EPHA3: variants seen among roughly 807,000 people sequenced by gnomAD.
EPHA3 encodes the protein EPH receptor A3.
Under a neutral mutation model 107.1 loss-of-function variants are expected in EPHA3, and 42 were observed. That is an observed-to-expected ratio of 0.39 (90% CI 0.31 to 0.51). The LOEUF is 0.51. Ranked by LOEUF, EPHA3 falls within the 20% of genes least tolerant of loss-of-function variation. EPHA3 has a pLI of 0.78. For missense variants in EPHA3, 1,183 were observed against 1,211.2 expected (o/e 0.98, Z 0.35); for synonymous variants, 461 against 424.8 (o/e 1.09, Z -1.05).
rs141293434 is a variant in EPHA3, at chr3:89,459,175, C to A, written c.2690+8805C>A. 1.7e-3 allele frequency among the ~76,000 whole-genome samples: 254 copies of A among 152,046 alleles called. 1 individual carries two copies. The highest frequency in any genetic ancestry group is 5.0e-3 in the African/African-American group (207 of 41,478). ...CAAACCTGCAGGTTCAACACATGTA[C>A]CCCAGAACTTAAGGTAAAATTTTAA... On this transcript the variant is annotated intron_variant, in intron 15 of 16. Coordinates refer to ENST00000336596, the MANE Select transcript of EPHA3 (RefSeq NM_005233.6).
intron 15 of EPHA3, among the ~76,000 whole-genome samples, chr3:89,469,202 G>A (rs1448152991): frequency 6.6e-6 from 1 of 152,098 alleles, no homozygotes; most frequent in African/African-American, 2.4e-5. Flanking sequence ...AGGTAATTGA[G>A]TTTAGTCTAG....
chr3:89,136,935 T>C (rs1704327064), intron 2 of EPHA3, among the ~76,000 whole-genome samples: 1 of 151,982 alleles, frequency 6.6e-6, no homozygotes, highest in Admixed American at 6.6e-5. Flanking sequence ...ACATTTTTTC[T>C]CTAAAACAAA....
rs1710621463 is a variant in EPHA3, at chr3:89,481,513, T to C, written c.*2011T>C. 2 of 232,282 alleles carry C rather than the reference T, an allele frequency of 8.6e-6. No individual in the cohort carries two copies. The highest frequency in any genetic ancestry group is 3.6e-4 in the South Asian group (2 of 5,522). 14.4% of individuals were successfully genotyped at this position (232,282 alleles called of 1,614,324 possible). A position where few individuals can be genotyped will look rare whatever the true frequency, so the allele number is the denominator to read the frequency against. On this transcript the variant is annotated 3_prime_UTR_variant, in exon 17 of 17. Transcript: ENST00000336596. Reference sequence around the variant, plus strand: ...TCAATCTAATTTTTTCCCAGACTACTATTTTCTTTTTTAGGTACTATTCTG... The same window carrying C: ...TCAATCTAATTTTTTCCCAGACTACCATTTTCTTTTTTAGGTACTATTCTG...
chr3:89,170,469 G>A (rs1049255624), intron 2 of EPHA3, among the ~76,000 whole-genome samples: 2 of 152,150 alleles, frequency 1.3e-5, no homozygotes, highest in African/African-American at 4.8e-5. Flanking sequence ...AAATGGAATA[G>A]CGGTGGTCTG....
intron 3 of EPHA3, among the ~76,000 whole-genome samples, chr3:89,304,102 C>G (rs888900228): frequency 1.3e-5 from 2 of 152,092 alleles, no homozygotes; most frequent in Admixed American, 6.6e-5. Flanking sequence ...GCCCCCACTT[C>G]GCTACTCACT....
rs569606867 is a variant in EPHA3 at position 89,194,904 on chromosome 3, A to G, written c.154-14956A>G. 3.2e-4 allele frequency among the ~76,000 whole-genome samples: 49 copies of G among 152,192 alleles called. No homozygotes were observed. In the South Asian group the frequency reaches 9.1e-3, roughly 28 times the overall value. The stretch of plus-strand genomic sequence containing the variant: ...AAACTTTTTGATGTGGGAACATTTC[A>G]ATATGGATGTTGGAAAGAGCAATTT... On this transcript the variant is annotated intron_variant, in intron 2 of 16. Transcript: ENST00000336596.
In EPHA3 at chr3:89,219,688, G is replaced by GTGTTTTTTTTTGTTTTTTTTTTTTT; in HGVS notation, c.814+9169_814+9170insGTTTTTTTTTGTTTTTTTTTTTTTT. Among the ~76,000 whole-genome samples, 205 of 34,434 alleles carry GTGTTTTTTTTTGTTTTTTTTTTTTT rather than the reference G, an allele frequency of 6.0e-3. 66 individuals carry two copies. Among genetic ancestry groups the GTGTTTTTTTTTGTTTTTTTTTTTTT allele is most frequent in the Middle Eastern group, 0.036 (2 of 56 alleles). The allele number at this position is 34,434 out of a possible 152,430, so 22.6% of individuals were successfully genotyped here. A position where few individuals can be genotyped will look rare whatever the true frequency, so the allele number is the denominator to read the frequency against. The stretch of plus-strand genomic sequence containing the variant: ...TTACCTCCAAGAGGCATTTGGCAAT[G>GTGTTTTTTTTTGTTTTTTTTTTTTT]TTTTTTTTTTTTTTGTTTTTTGTTT... On this transcript the variant is annotated intron_variant, in intron 3 of 16. Coordinates refer to ENST00000336596, the MANE Select transcript of EPHA3 (RefSeq NM_005233.6).
Position 89,402,734 on chromosome 3 carries a change from C to T in EPHA3, c.1594+3254C>T, listed in dbSNP as rs1020378893. 6.6e-5 allele frequency among the ~76,000 whole-genome samples: 10 copies of T among 152,036 alleles called. No individual in the cohort carries two copies. The East Asian group carries it at 7.7e-4, about 12-fold the overall frequency. On this transcript the variant is annotated intron_variant, in intron 7 of 16. Transcript: ENST00000336596. ...TTTTTGAGACCAAGTCTTGCTCTGT[C>T]GCCCAGGTGGGAATGCAGTGGTGAG...
At chr3:89,222,081 A>G (rs1295910535) in intron 3 of EPHA3, among the ~76,000 whole-genome samples, 1 of 151,986 alleles carries the variant, frequency 6.6e-6, no homozygotes, top group Non-Finnish European at 1.5e-5. Context: ...CCACACCTCT[A>G]ATTGCTTCTG....
At chr3:89,143,139 A>C (rs1704467735) in intron 2 of EPHA3, among the ~76,000 whole-genome samples, 1 of 151,430 alleles carries the variant, frequency 6.6e-6, no homozygotes, top group African/African-American at 2.4e-5. Context: ...GGAATTCTGC[A>C]CGATACCTAC....
chr3:89,453,825 C>T (rs1710044511), intron 15 of EPHA3, among the ~76,000 whole-genome samples: 3 of 152,188 alleles, frequency 2.0e-5, no homozygotes, highest in African/African-American at 7.2e-5. Flanking sequence ...TGGGAACTTC[C>T]CACAGCAAAA....
chr3:89,112,586 T>G (rs1201234223), intron 1 of EPHA3, among the ~76,000 whole-genome samples: 3 of 151,964 alleles, frequency 2.0e-5, no homozygotes, highest in Non-Finnish European at 4.4e-5. Flanking sequence ...GCAAATGATT[T>G]TTAAAGGCAA....
chr3:89,252,833 ATT>A (rs1705195534), intron 3 of EPHA3, among the ~76,000 whole-genome samples: 1 of 149,770 alleles, frequency 6.7e-6, no homozygotes, highest in Non-Finnish European at 1.5e-5. Flanking sequence ...AAGATTTTTA[ATT>A]TATATATATA....
chr3:89,156,428 T>A (rs951654300), intron 2 of EPHA3, among the ~76,000 whole-genome samples: 1 of 152,068 alleles, frequency 6.6e-6, no homozygotes, highest in Non-Finnish European at 1.5e-5. Flanking sequence ...CTGCAATAAA[T>A]TGTTTATTTT....
intron 2 of EPHA3, among the ~76,000 whole-genome samples, chr3:89,176,207 C>G (rs1705316898): frequency 6.6e-6 from 1 of 151,986 alleles, no homozygotes. Flanking sequence ...TGTGGCTGGA[C>G]ATGGTGGCTC....
intron 2 of EPHA3, among the ~76,000 whole-genome samples, chr3:89,172,303 C>T (rs1341354020): frequency 6.6e-6 from 1 of 152,046 alleles, no homozygotes; most frequent in East Asian, 1.9e-4. Flanking sequence ...TTGTCAGAGG[C>T]TTCTAGATGT....
intron 5 of EPHA3, among the ~76,000 whole-genome samples, chr3:89,346,314 C>T (rs1178783589): frequency 7.5e-6 from 1 of 133,624 alleles, no homozygotes; most frequent in Non-Finnish European, 1.6e-5. Flanking sequence ...GCCATTCTAA[C>T]TGGTGTGAGA....
At position 89,277,477 on chromosome 3, in the gene EPHA3, T is replaced by C. The variant is rs527850303; in HGVS notation, c.815-63439T>C. Among the ~76,000 whole-genome samples the C allele has an allele frequency of 5.9e-5, 9 of 152,282 alleles. No homozygotes were observed. The South Asian group carries it at 1.9e-3, about 32-fold the overall frequency. On this transcript the variant is annotated intron_variant, in intron 3 of 16. Coordinates refer to ENST00000336596, the MANE Select transcript of EPHA3 (RefSeq NM_005233.6). ...ATTGGCAATTCAAAGATAAATCTTCTCCACAAAACTTTAGTTCAGAACTAG... is the reference window on the plus strand; with the variant it reads ...ATTGGCAATTCAAAGATAAATCTTCCCCACAAAACTTTAGTTCAGAACTAG...
chr3:89,388,541 G>A (rs115052041), intron 5 of EPHA3, among the ~76,000 whole-genome samples: 2,435 of 152,252 alleles, frequency 0.016, 68 homozygotes, highest in African/African-American at 0.055. Context: ...GTGGAAAAGA[G>A]AGAGATCTAG....
Sources: gnomAD v4.1 joint callset for allele counts (sites outside exome capture counted in the v4.1 genomes callset) on GRCh38, gnomAD v4.1.1 for gene constraint, MANE v1.5 for transcripts, NCBI Gene and HGNC (gene_info 2026-07-23, HGNC 2026-07-21) for gene names.